The following ZBTB48 variants were observed in gnomAD, a reference collection of about 807,000 sequenced individuals.
ZBTB48 encodes zinc finger and BTB domain containing 48.
A neutral mutation model predicts 64.5 loss-of-function variants in ZBTB48; 35 were observed. That is an observed-to-expected ratio of 0.54 (90% CI 0.41 to 0.72). The LOEUF (loss-of-function observed/expected upper bound fraction) is 0.72, where lower values mean the gene tolerates loss of function less well. Ranked by LOEUF, ZBTB48 falls within the 30% of genes least tolerant of loss-of-function variation. ZBTB48 has a pLI of 0.00. For synonymous variants in ZBTB48, 442 were observed against 356.7 expected (o/e 1.24, Z -2.70); for missense variants, 828 against 895.3 (o/e 0.92, Z 0.96).
Position 6,581,173 on chromosome 1 carries a change from C to T in ZBTB48, c.564C>T (p.Ser188=). 2.5e-6 allele frequency: 4 copies of T among 1,613,504 alleles called. No individual in the cohort carries two copies. The highest frequency in any genetic ancestry group is 2.2e-5 in the South Asian group (2 of 91,078). Residue 188 remains serine (S), a synonymous_variant, in exon 2 of 11, where the codon TCC becomes TCT. Coordinates refer to ENST00000377674, the MANE Select transcript of ZBTB48 (RefSeq NM_005341.4). The part of the protein sequence containing the change: ...HSPAQSEGPS[S]LCGKLKQALK... ...CAGCTCAGAGTGAGGGCCCCTCCTCCCTCTGTGGGAAACTGAAGCAGGCCT... is the reference window on the plus strand; with the variant it reads ...CAGCTCAGAGTGAGGGCCCCTCCTCTCTCTGTGGGAAACTGAAGCAGGCCT...
intron 3 of ZBTB48, among the ~76,000 whole-genome samples, chr1:6,583,987 T>C (rs933332046): frequency 2.6e-5 from 4 of 151,892 alleles, no homozygotes; most frequent in African/African-American, 9.7e-5. Flanking sequence ...TTTCAGCATG[T>C]TGGTCAGGCT....
At chr1:6,585,786 G>C (rs909629852) in intron 3 of ZBTB48, 133 bp from the exon 4 acceptor site, 1 of 796,634 alleles carries the variant, frequency 1.3e-6, no homozygotes, top group Non-Finnish European at 2.1e-6. Flanking sequence ...TTCTGGGCTT[G>C]TCCCTGCACC....
rs764876418 is a variant in ZBTB48, at chr1:6,589,128, T to A, written c.1983T>A (p.Cys661Ter). 6.3e-6 allele frequency: 10 copies of A among 1,599,130 alleles called. No homozygotes were observed. Among genetic ancestry groups the A allele is most frequent in the Non-Finnish European group, 8.5e-6 (10 of 1,174,556 alleles). ...CCCAGCTCCCCGGCCAGAGACTGTG[T>A]GCAGAGGAGAGCTTCACCGGCCCAG... ...LASQLPGQRL[C>*]AEESFTGPGV... Residue 661 changes from cysteine (C) to a stop codon, truncating the protein, a stop_gained, in exon 11 of 11, where the codon TGT becomes TGA. Transcript: ENST00000377674. LOFTEE classifies it high-confidence loss of function.
intron 4 of ZBTB48, chr1:6,586,398 C>G: frequency 1.9e-6 from 1 of 530,264 alleles, no homozygotes; most frequent in South Asian, 2.7e-5. Flanking sequence ...CCGCCGAAAC[C>G]CAGGCCCACT....
In ZBTB48 at chr1:6,582,304, A is replaced by G; in HGVS notation, c.932+5A>G. The G allele has an allele frequency of 6.2e-7, 1 of 1,603,122 alleles. No individual in the cohort carries two copies. Among genetic ancestry groups the G allele is most frequent in the South Asian group, 1.1e-5 (1 of 90,902 alleles). On this transcript the variant is annotated splice_donor_5th_base_variant and intron_variant, in intron 3 of 10. Transcript: ENST00000377674. ...TTATCTAAAAGTCCACAACAGGTAA[A>G]CGTTCTGTTTTTCTATTTTCTTTTC...
chr1:6,582,831 A>G (rs968038412), intron 3 of ZBTB48, among the ~76,000 whole-genome samples: 1 of 152,154 alleles, frequency 6.6e-6, no homozygotes, highest in Non-Finnish European at 1.5e-5. Flanking sequence ...GAGCTATTAC[A>G]ATTTTTATTT....
chr1:6,587,329 G>C (rs767538645), intron 6 of ZBTB48, 38 bp downstream of exon 6: 1 of 1,613,446 alleles, frequency 6.2e-7, no homozygotes, highest in South Asian at 1.1e-5. Flanking sequence ...TTTGATGCTG[G>C]CATGAGCAAG....
At chr1:6,582,964 C>G (rs1436880235) in intron 3 of ZBTB48, among the ~76,000 whole-genome samples, 1 of 144,684 alleles carries the variant, frequency 6.9e-6, no homozygotes, top group African/African-American at 2.6e-5. Flanking sequence ...GCCACCATGC[C>G]CAGCCCCCAG....
intron 4 of ZBTB48, 191 bp from the exon 5 acceptor site, chr1:6,586,504 G>C: frequency 8.1e-7 from 1 of 1,228,396 alleles, no homozygotes; most frequent in South Asian, 1.7e-5. Flanking sequence ...AGAAGGGCCT[G>C]GTGTGCGGTG....
At chr1:6,587,094 G>C (rs1557426637) in intron 5 of ZBTB48, 111 bp from the exon 6 acceptor site, 17 of 1,216,536 alleles carry the variant, frequency 1.4e-5, no homozygotes, top group Non-Finnish European at 2.0e-5. Flanking sequence ...GGTCCTCCCA[G>C]AATCATCTCA....
At position 6,582,188 on chromosome 1, in the gene ZBTB48, G is replaced by C; in HGVS notation, c.821G>C (p.Gly274Ala). 1.9e-6 allele frequency: 3 copies of C among 1,614,216 alleles called. No homozygotes were observed. Among genetic ancestry groups the C allele is most frequent in the Non-Finnish European group, 2.5e-6 (3 of 1,180,030 alleles). The change falls in exon 3 of 11, where the codon GGC becomes GCC. Residue 274 changes from glycine to alanine, a missense_variant. Coordinates refer to ENST00000377674, the MANE Select transcript of ZBTB48 (RefSeq NM_005341.4). The stretch of plus-strand genomic sequence containing the variant: ...GCAGCTGAGCCAGCCCTGAGCGCGG[G>C]CTCCCTAGCAGCTGAGCCTGCTGAG... ...PCAAEPALSAGSLAAEPAENR... is the reference protein window; with the variant it reads ...PCAAEPALSAASLAAEPAENR...
At position 6,580,873 on chromosome 1, in the gene ZBTB48, C is replaced by T. The variant is rs151287244; in HGVS notation, c.264C>T (p.Thr88=). 583 of 1,614,038 alleles carry T rather than the reference C, an allele frequency of 3.6e-4. No individual in the cohort carries two copies. Among genetic ancestry groups the T allele is most frequent in the Non-Finnish European group, 3.9e-4 (464 of 1,180,058 alleles). The change falls in exon 2 of 11, where the codon ACC becomes ACT. Residue 88 remains threonine, a synonymous_variant. Transcript: ENST00000377674. This position sits in a 1 kb window ranked among gnomAD's most constrained non-coding sequence, Gnocchi z 5.2. ...DFFYTGHLAL[T]SGNRDQVLLA... Reference sequence around the variant, plus strand: ...TCTACACTGGTCACCTCGCTCTCACCTCAGGGAACCGGGATCAGGTGCTCC... The same window carrying T: ...TCTACACTGGTCACCTCGCTCTCACTTCAGGGAACCGGGATCAGGTGCTCC...
In ZBTB48 at chr1:6,580,868, C is replaced by G; in HGVS notation, c.259C>G (p.Leu87Val). ...LDFFYTGHLA[L>V]TSGNRDQVLL... is the part of the protein sequence containing the mutation. ...CTTTTTCTACACTGGTCACCTCGCT[C>G]TCACCTCAGGGAACCGGGATCAGGT... The change falls in exon 2 of 11, where the codon CTC (leucine) becomes GTC (valine). Residue 87 changes from leucine (L) to valine (V), a missense_variant. Leu to Val is a conservative substitution (Grantham distance 32, BLOSUM62 1). Coordinates refer to ENST00000377674, the MANE Select transcript of ZBTB48 (RefSeq NM_005341.4). The surrounding 1 kb of genome is among the most constrained non-coding windows in gnomAD (Gnocchi z 5.2). 1.2e-6 allele frequency: 2 copies of G among 1,614,202 alleles called. No individual in the cohort carries two copies. The highest frequency in any genetic ancestry group is 1.1e-5 in the South Asian group (1 of 91,090).
At position 6,585,888 on chromosome 1, in the gene ZBTB48, GC is replaced by G. The variant is rs58292828; in HGVS notation, c.933-24del. ...GAGGGAGAGATGGGAAACCCTCTCA[GC>G]CCCCCCACCCCTGTGGCTTCTCCTG... On this transcript the variant is annotated intron_variant, in intron 3 of 10. Coordinates refer to ENST00000377674, the MANE Select transcript of ZBTB48 (RefSeq NM_005341.4). 4,922 of 1,606,958 alleles carry G rather than the reference GC, an allele frequency of 3.1e-3. 77 individuals carry two copies. Among genetic ancestry groups the G allele is most frequent in the African/African-American group, 0.028 (2,080 of 74,908 alleles).
rs1640759244 is a variant in ZBTB48 at position 6,588,410 on chromosome 1, A to T, written c.1649A>T (p.His550Leu). 1.3e-6 allele frequency: 2 copies of T among 1,567,130 alleles called. No individual in the cohort carries two copies. The highest frequency in any genetic ancestry group is 2.3e-5 in the South Asian group (2 of 85,960). ...VASRHQEGRP[H>L]FCQICGKTFK... ...AGCCGCCATCAGGAGGGCCGGCCCC[A>T]CTTCTGCCAGATATGCGGCAAGACC... The change falls in exon 9 of 11, where the codon CAC becomes CTC. Residue 550 changes from histidine to leucine, a missense_variant. His to Leu is a moderately conservative substitution (Grantham distance 99). Coordinates refer to ENST00000377674, the MANE Select transcript of ZBTB48 (RefSeq NM_005341.4).
Position 6,588,078 on chromosome 1 carries a change from A to G in ZBTB48, c.1398A>G (p.Val466=), listed in dbSNP as rs1557426717. 6.2e-7 allele frequency: 1 copy of G among 1,614,126 alleles called. No homozygotes were observed. Among genetic ancestry groups the G allele is most frequent in the Non-Finnish European group, 8.5e-7 (1 of 1,180,024 alleles). ...KAKHRNERPH[V]CEFCSHAFTQ... ...TTAACAGGAATGAGAGGCCACACGT[A>G]TGTGAGTTCTGCAGCCACGCCTTCA... Residue 466 remains valine, a synonymous_variant, in exon 8 of 11, where the codon GTA becomes GTG. Coordinates refer to ENST00000377674, the MANE Select transcript of ZBTB48 (RefSeq NM_005341.4).
chr1:6,586,390 G>A (rs1253499234), intron 4 of ZBTB48: 3 of 507,516 alleles, frequency 5.9e-6, no homozygotes, highest in East Asian at 3.5e-5. Context: ...GTCAGGGCCC[G>A]CCGAAACCCA....
In ZBTB48 at chr1:6,582,318, T is replaced by A; in HGVS notation, c.932+19T>A. ...ACAACAGGTAAACGTTCTGTTTTTC[T>A]ATTTTCTTTTCCTGTCTGCCATTCC... On this transcript the variant is annotated intron_variant, in intron 3 of 10. Transcript: ENST00000377674. The A allele has an allele frequency of 1.2e-6, 2 of 1,601,346 alleles. No individual in the cohort carries two copies. The highest frequency in any genetic ancestry group is 2.2e-5 in the East Asian group (1 of 44,548).
At position 6,585,034 on chromosome 1, in the gene ZBTB48, C is replaced by T. The variant is rs547396367; in HGVS notation, c.933-885C>T. On this transcript the variant is annotated intron_variant, in intron 3 of 10. Transcript: ENST00000377674. ...GATAAGTCCATCTGCCTGCAGTAGA[C>T]GGTGAGGAAGTGCTGCCGAAGAAGA... is the stretch of plus-strand genomic sequence containing the variant. 5.9e-5 allele frequency among the ~76,000 whole-genome samples: 9 copies of T among 152,202 alleles called. No homozygotes were observed. The East Asian group carries it at 1.5e-3, about 26-fold the overall frequency.
Sources: allele counts gnomAD v4.1 joint callset (sites outside exome capture counted in the v4.1 genomes callset), GRCh38; gene constraint gnomAD v4.1.1; non-coding constraint Gnocchi (gnomAD v3.1); transcripts MANE v1.5; gene names NCBI Gene and HGNC (gene_info 2026-07-23, HGNC 2026-07-21).